The following KIF21A variants were observed in gnomAD, a reference collection of about 807,000 sequenced individuals.
The protein encoded by KIF21A is kinesin-like protein KIF21A.
In KIF21A, 114 loss-of-function variants were observed where a neutral mutation model predicts 202.9. That is an observed-to-expected ratio of 0.56 (90% CI 0.48 to 0.66). KIF21A has a LOEUF of 0.66. Ranked by LOEUF, KIF21A falls within the 30% of genes least tolerant of loss-of-function variation. The probability of loss-of-function intolerance (pLI) is 0.00; values close to 1 mark genes in which losing one functional copy is unlikely to be tolerated. For synonymous variants in KIF21A, 667 were observed against 670.8 expected (o/e 0.99, Z 0.09); for missense variants, 1,677 against 1,994.9 (o/e 0.84, Z 3.04).
chr12:39,352,078 G>A (rs1948433636), intron 10 of KIF21A, 98 bp from the exon 11 acceptor site: 1 of 894,176 alleles, frequency 1.1e-6, no homozygotes, highest in Non-Finnish European at 1.8e-6. Flanking sequence ...TAAGTGTACA[G>A]CTCTGTAGCA....
chr12:39,296,748 G>T (rs1373478895), intron 37 of KIF21A, among the ~76,000 whole-genome samples: 1 of 152,200 alleles, frequency 6.6e-6, no homozygotes. Flanking sequence ...GGTTATTGGG[G>T]TTGCAAGAAA....
chr12:39,419,043 G>A (rs996451456), intron 1 of KIF21A, among the ~76,000 whole-genome samples: 3 of 152,148 alleles, frequency 2.0e-5, no homozygotes, highest in Admixed American at 2.0e-4. Context: ...TTCAATGGCT[G>A]GATTCATACA....
At position 39,443,110 on chromosome 12, in the gene KIF21A, G is replaced by T; in HGVS notation, c.-140C>A. The stretch of plus-strand genomic sequence containing the variant: ...CTCACCTCCGCCGCGCTCCAGCCAT[G>T]TTGGGCGACTGAATGGAAAGGTGGC... On this transcript the variant is annotated 5_prime_UTR_variant, in exon 1 of 38. Coordinates refer to ENST00000361418, the MANE Select transcript of KIF21A (RefSeq NM_001173464.2). The T allele has an allele frequency of 1.2e-6, 1 of 812,178 alleles. No homozygotes were observed. 50.3% of individuals were successfully genotyped at this position (812,178 alleles called of 1,614,324 possible). A position where few individuals can be genotyped will look rare whatever the true frequency, so the allele number is the denominator to read the frequency against.
chr12:39,337,103 T>G lies in KIF21A; in HGVS notation c.2411A>C (p.Lys804Thr). The G allele has an allele frequency of 6.3e-7, 1 of 1,595,006 alleles. No individual in the cohort carries two copies. The highest frequency in any genetic ancestry group is 8.6e-7 in the Non-Finnish European group (1 of 1,164,182). ...EIAQLKKDQRKRDHQLRLLEA... is the reference protein window; with the variant it reads ...EIAQLKKDQRTRDHQLRLLEA... ...GAGTTAAAATCCACTTACATCTCTT[T>G]TACGTTGATCCTTTTTCAACTGAGC... Residue 804 changes from lysine to threonine, a missense_variant, in exon 17 of 38, where the codon AAA becomes ACA. Coordinates refer to ENST00000361418, the MANE Select transcript of KIF21A (RefSeq NM_001173464.2).
intron 6 of KIF21A, among the ~76,000 whole-genome samples, chr12:39,365,543 AATGCCACTAGGTGGC>A (rs1949539991): frequency 6.6e-6 from 1 of 152,242 alleles, no homozygotes; most frequent in South Asian, 2.1e-4. Flanking sequence ...TTCCAATCAA[AATGCCACTAGGTGGC>A]ATGGTATTAA....
chr12:39,334,864 C>T (rs535723214), intron 17 of KIF21A, among the ~76,000 whole-genome samples: 292 of 152,094 alleles, frequency 1.9e-3, no homozygotes, highest in African/African-American at 5.9e-3. Flanking sequence ...AAAGTTCATC[C>T]CAGGAGTTCA....
chr12:39,314,916 T>C (rs1944380744), intron 31 of KIF21A, among the ~76,000 whole-genome samples: 1 of 151,892 alleles, frequency 6.6e-6, no homozygotes, highest in African/African-American at 2.4e-5. Flanking sequence ...AAACACAGTG[T>C]TTTATTACTT....
At chr12:39,361,888 G>A (rs2138987497) in intron 7 of KIF21A, among the ~76,000 whole-genome samples, 3 of 152,288 alleles carry the variant, frequency 2.0e-5, no homozygotes, top group Middle Eastern at 6.8e-3. Context: ...GATAATAGTT[G>A]TTGATACAGT....
chr12:39,369,475 G>T (rs1457936864), intron 3 of KIF21A, among the ~76,000 whole-genome samples: 3 of 151,954 alleles, frequency 2.0e-5, no homozygotes, highest in African/African-American at 7.3e-5. Flanking sequence ...AAAATGGGGG[G>T]GGTTCTTAAA....
chr12:39,369,970 A>C, intron 2 of KIF21A, 59 bp from the exon 3 acceptor site: 1 of 1,594,192 alleles, frequency 6.3e-7, no homozygotes, highest in Non-Finnish European at 8.6e-7. Context: ...TAAGAAACAA[A>C]AATGAAAGCG....
intron 1 of KIF21A, among the ~76,000 whole-genome samples, chr12:39,400,213 G>C (rs1211136230): frequency 2.0e-5 from 3 of 152,182 alleles, no homozygotes; most frequent in Non-Finnish European, 4.4e-5. Flanking sequence ...CTCTACTTTA[G>C]GTGATGAGAA....
In KIF21A at chr12:39,294,488, C is replaced by A. The variant is rs373406994; in HGVS notation, c.4961G>T (p.Arg1654Leu). Reference protein sequence around the residue: ...DDRTVRIWKARNLQDGQISDT... With the variant: ...DDRTVRIWKALNLQDGQISDT... ...AGAGATCTGACCATCTTGCAAATTG[C>A]GAGCCTTCCAAATTCTCACAGTTCG... Residue 1654 changes from arginine (R) to leucine (L), a missense_variant, in exon 38 of 38, where the codon CGC (arginine) becomes CTC (leucine). Arg to Leu is a moderately radical substitution (Grantham distance 102, BLOSUM62 -2). Transcript: ENST00000361418. The A allele has an allele frequency of 1.9e-6, 3 of 1,613,714 alleles. No homozygotes were observed. Among genetic ancestry groups the A allele is most frequent in the Non-Finnish European group, 2.5e-6 (3 of 1,179,744 alleles).
intron 7 of KIF21A, 46 bp downstream of exon 7, chr12:39,363,052 A>G: frequency 8.6e-7 from 1 of 1,168,630 alleles, no homozygotes; most frequent in East Asian, 2.3e-5. Context: ...CTTATTTAAT[A>G]ATGAATAATC....
chr12:39,346,089 T>C (rs1947867179), intron 12 of KIF21A, among the ~76,000 whole-genome samples: 1 of 152,020 alleles, frequency 6.6e-6, no homozygotes, highest in Non-Finnish European at 1.5e-5. Context: ...CAATTTCCAC[T>C]CTGCTCACAA....
rs1950466932 is a variant in KIF21A, at chr12:39,379,328, A to T, written c.45-9067T>A. Among the ~76,000 whole-genome samples the T allele has an allele frequency of 2.6e-5, 2 of 77,886 alleles. 1 individual carries two copies. The highest frequency in any genetic ancestry group is 1.3e-3 in the South Asian group (2 of 1,588). The allele number at this position is 77,886 out of a possible 152,430, so 51.1% of individuals were successfully genotyped here. ...GAGAAACAAAGCAAGACTCTGTCTAAAAAAAAAAAAAAAAACCTGTTAGAA... is the reference window on the plus strand; with the variant it reads ...GAGAAACAAAGCAAGACTCTGTCTATAAAAAAAAAAAAAAACCTGTTAGAA... On this transcript the variant is annotated intron_variant, in intron 1 of 37. Coordinates refer to ENST00000361418, the MANE Select transcript of KIF21A (RefSeq NM_001173464.2).
At chr12:39,373,680 T>C (rs1950101219) in intron 1 of KIF21A, among the ~76,000 whole-genome samples, 1 of 152,204 alleles carries the variant, frequency 6.6e-6, no homozygotes, top group Non-Finnish European at 1.5e-5. Context: ...GCTATTAAGA[T>C]ACTTTAAATT....
intron 31 of KIF21A, chr12:39,312,891 T>A (rs1944168793): frequency 6.6e-6 from 1 of 151,934 alleles, no homozygotes; most frequent in African/African-American, 2.4e-5. Flanking sequence ...AACAGTCAAA[T>A]GTACCTTCAC....
At chr12:39,360,943 C>T (rs1047543750) in intron 7 of KIF21A, among the ~76,000 whole-genome samples, 1 of 152,184 alleles carries the variant, frequency 6.6e-6, no homozygotes, top group Non-Finnish European at 1.5e-5. Context: ...AAGGCTTACA[C>T]AAAGTACAGT....
chr12:39,377,415 G>C (rs1192994736), intron 1 of KIF21A, among the ~76,000 whole-genome samples: 4 of 152,014 alleles, frequency 2.6e-5, no homozygotes, highest in Non-Finnish European at 5.9e-5. Context: ...GGGGTTTCTG[G>C]TCCCTTTTTA....
Sources: allele counts gnomAD v4.1 joint callset (sites outside exome capture counted in the v4.1 genomes callset), GRCh38; gene constraint gnomAD v4.1.1; transcripts MANE v1.5; gene names NCBI Gene and HGNC (gene_info 2026-07-23, HGNC 2026-07-21).